The following LMBR1 variants were observed in gnomAD, a reference collection of about 807,000 sequenced individuals.
LMBR1 encodes limb development membrane protein 1.
A neutral mutation model predicts 73.9 loss-of-function variants in LMBR1; 52 were observed. The observed-to-expected ratio is 0.70, with a 90% CI of 0.56 to 0.89. LMBR1 has a LOEUF of 0.89. Among genes scored for constraint, LMBR1 ranks in the 40% least tolerant of loss-of-function variants. LMBR1 has a pLI of 0.00. For missense variants in LMBR1, 539 were observed against 579.8 expected (o/e 0.93, Z 0.72); for synonymous variants, 215 against 209.4 (o/e 1.03, Z -0.23).
chr7:156,837,873 G>A (rs561712418), intron 1 of LMBR1, among the ~76,000 whole-genome samples: 29 of 145,598 alleles, frequency 2.0e-4, no homozygotes, highest in South Asian at 4.3e-4. Flanking sequence ...TGCAACCTCC[G>A]CCTCCCAGAT....
chr7:156,860,156 A>T (rs575963827), intron 1 of LMBR1, among the ~76,000 whole-genome samples: 1 of 152,332 alleles, frequency 6.6e-6, no homozygotes, highest in East Asian at 1.9e-4. Flanking sequence ...CTGTTTTCAC[A>T]CTGCCGATAA....
intron 1 of LMBR1, among the ~76,000 whole-genome samples, chr7:156,886,114 A>C (rs1483356742): frequency 2.0e-5 from 3 of 152,080 alleles, no homozygotes; most frequent in Non-Finnish European, 2.9e-5. Context: ...TAGAGGCTAC[A>C]GTAAGCCGTG....
intron 1 of LMBR1, among the ~76,000 whole-genome samples, chr7:156,839,854 C>T (rs1449894367): frequency 2.0e-5 from 3 of 152,186 alleles, no homozygotes; most frequent in African/African-American, 4.8e-5. Context: ...TCAACAGCAT[C>T]GCTACCTTCT....
intron 5 of LMBR1, among the ~76,000 whole-genome samples, chr7:156,765,121 T>C (rs567642987): frequency 3.3e-5 from 5 of 152,364 alleles, no homozygotes; most frequent in African/African-American, 1.2e-4. Context: ...ACTACTACTT[T>C]ACTGAAGAGT....
chr7:156,701,894 C>T (rs1192937157), intron 15 of LMBR1, among the ~76,000 whole-genome samples: 2 of 152,106 alleles, frequency 1.3e-5, no homozygotes, highest in Admixed American at 1.3e-4. Flanking sequence ...TTTTCTGTTC[C>T]TGTGTTAGTT....
intron 4 of LMBR1, among the ~76,000 whole-genome samples, chr7:156,813,032 C>T (rs570442043): frequency 5.9e-5 from 9 of 152,268 alleles, no homozygotes; most frequent in African/African-American, 1.9e-4. Flanking sequence ...ATATCCAGTC[C>T]ACCTTACTCC....
intron 5 of LMBR1, among the ~76,000 whole-genome samples, chr7:156,772,805 G>C (rs1264479572): frequency 1.3e-5 from 2 of 151,690 alleles, no homozygotes; most frequent in Admixed American, 1.3e-4. Flanking sequence ...CCGAGATTGT[G>C]CCACTGCACT....
chr7:156,670,636 C>T lies in LMBR1; in HGVS notation n.867-1349G>A, dbSNP rs115544614. Among the ~76,000 whole-genome samples, 483 of 152,238 alleles carry T rather than the reference C, an allele frequency of 3.2e-3. 6 individuals are homozygous for T. Among genetic ancestry groups the T allele is most frequent in the African/African-American group, 0.011 (461 of 41,528 alleles). On this transcript the variant is annotated intron_variant and non_coding_transcript_variant, in intron 4 of 4. Transcript: ENST00000430825. The surrounding 1 kb of genome is among the most constrained non-coding windows in gnomAD (Gnocchi z 4.3). ...GGAAGTGGCCAGGAACGAGGACAGACGATGGCAAACCCTGGGACCTGCAGA... is the reference window on the plus strand; with the variant it reads ...GGAAGTGGCCAGGAACGAGGACAGATGATGGCAAACCCTGGGACCTGCAGA...
chr7:156,812,827 T>C (rs1833322330), intron 4 of LMBR1, among the ~76,000 whole-genome samples: 1 of 152,202 alleles, frequency 6.6e-6, no homozygotes. Context: ...TGGTACACTC[T>C]AGCCCCCTTG....
intron 10 of LMBR1, among the ~76,000 whole-genome samples, chr7:156,730,370 CAT>C (rs1210015080): frequency 1.3e-5 from 2 of 152,154 alleles, no homozygotes; most frequent in Non-Finnish European, 2.9e-5. Context: ...AAAATGAGGT[CAT>C]AGTCAATAAC....
intron 4 of LMBR1, among the ~76,000 whole-genome samples, chr7:156,812,501 G>A (rs749981663): frequency 1.3e-5 from 2 of 152,120 alleles, no homozygotes; most frequent in Non-Finnish European, 2.9e-5. Context: ...AGAAACAAAG[G>A]CTAGCACCTG....
chr7:156,884,666 C>A (rs1035487927), intron 1 of LMBR1, among the ~76,000 whole-genome samples: 20 of 142,318 alleles, frequency 1.4e-4, no homozygotes, highest in Admixed American at 5.8e-4. Flanking sequence ...AAACACCCCA[C>A]AGTTCCCCAT....
intron 9 of LMBR1, among the ~76,000 whole-genome samples, chr7:156,753,476 C>G (rs1330847174): frequency 1.3e-5 from 2 of 151,938 alleles, no homozygotes; most frequent in Non-Finnish European, 2.9e-5. Flanking sequence ...GAATGTGTGC[C>G]AAGTTTCTTT....
At chr7:156,844,049 C>T (rs1282662343) in intron 1 of LMBR1, among the ~76,000 whole-genome samples, 1 of 151,952 alleles carries the variant, frequency 6.6e-6, no homozygotes, top group African/African-American at 2.4e-5. Flanking sequence ...TAGGGCCAGG[C>T]ATGGTGGCTC....
chr7:156,871,298 T>A (rs913802671), intron 1 of LMBR1, among the ~76,000 whole-genome samples: 54 of 152,094 alleles, frequency 3.6e-4, no homozygotes, highest in African/African-American at 1.3e-3. Context: ...GAATCAGTAA[T>A]CAAAAACCTC....
intron 15 of LMBR1, among the ~76,000 whole-genome samples, chr7:156,715,335 C>G (rs1207260656): frequency 6.6e-6 from 1 of 151,540 alleles, no homozygotes; most frequent in South Asian, 2.1e-4. Context: ...TGGATATATT[C>G]CAAAAAAAAT....
chr7:156,850,541 T>C (rs773065340), intron 1 of LMBR1, among the ~76,000 whole-genome samples: 3 of 152,240 alleles, frequency 2.0e-5, no homozygotes, highest in Non-Finnish European at 2.9e-5. Context: ...TCATACAGTA[T>C]GTGCCTTTTT....
chr7:156,868,421 A>T (rs1798787226), intron 1 of LMBR1, among the ~76,000 whole-genome samples: 1 of 152,180 alleles, frequency 6.6e-6, no homozygotes, highest in African/African-American at 2.4e-5. Flanking sequence ...CACGCCTGTT[A>T]TCCCAGCACT....
In LMBR1 at chr7:156,728,822, C is replaced by G. The variant is rs139565670; in HGVS notation, c.839-102G>C. On this transcript the variant is annotated intron_variant, in intron 10 of 16. Coordinates refer to ENST00000353442, the MANE Select transcript of LMBR1 (RefSeq NM_022458.4). ...TTATACATAATTTCTTTTTAAAAAA[C>G]ATAAATTACTTTTAATTTTCCTCCA... is the stretch of plus-strand genomic sequence containing the variant. 1.4e-4 allele frequency: 114 copies of G among 823,074 alleles called. No homozygotes were observed. The Admixed American group carries it at 2.7e-3, about 20-fold the overall frequency. The allele number at this position is 823,074 out of a possible 1,614,324, so 51.0% of individuals were successfully genotyped here.
Sources: allele counts gnomAD v4.1 joint callset (sites outside exome capture counted in the v4.1 genomes callset), GRCh38; gene constraint gnomAD v4.1.1; non-coding constraint Gnocchi (gnomAD v3.1); transcripts MANE v1.5; gene names NCBI Gene and HGNC (gene_info 2026-07-23, HGNC 2026-07-21).